Variants in MRPS5 observed in about 807,000 individuals in gnomAD.
MRPS5 encodes the protein mitochondrial ribosomal protein S5, also known as small ribosomal subunit protein uS5m.
In MRPS5, 27 loss-of-function variants were observed where a neutral mutation model predicts 51.9. The ratio of observed to expected loss-of-function variants is 0.52; its 90% CI spans 0.38 to 0.72. MRPS5 has a LOEUF of 0.72. Ranked by LOEUF, MRPS5 falls within the 30% of genes least tolerant of loss-of-function variation. The pLI, the probability that MRPS5 is intolerant of heterozygous loss-of-function variation, is 0.00. For missense variants in MRPS5, 570 were observed against 545.7 expected, an observed-to-expected ratio of 1.04 and a Z score of -0.44; for synonymous variants, 196 against 193.2, an observed-to-expected ratio of 1.01 and a Z score of -0.12.
At chr2:95,087,827 G>T (rs1199025917) in intron 11 of MRPS5, among the ~76,000 whole-genome samples, 3 of 152,140 alleles carry the variant, frequency 2.0e-5, no homozygotes, top group Non-Finnish European at 4.4e-5. Flanking sequence ...CTGGTCTCTT[G>T]CCTTCTAAAC....
chr2:95,094,633 C>T (rs1469949374), intron 10 of MRPS5, among the ~76,000 whole-genome samples: 1 of 152,144 alleles, frequency 6.6e-6, no homozygotes, highest in African/African-American at 2.4e-5. Context: ...CCAAACTAAG[C>T]TTCATAAGTG....
intron 10 of MRPS5, among the ~76,000 whole-genome samples, chr2:95,096,411 C>T (rs552527711): frequency 1.1e-4 from 16 of 152,164 alleles, no homozygotes; most frequent in Non-Finnish European, 2.2e-4. Flanking sequence ...ACCAATATCC[C>T]TGATGAATAT....
At chr2:95,121,874 AG>A, upstream of MRPS5, 1 of 1,417,384 alleles carries the variant, frequency 7.1e-7, no homozygotes, top group Non-Finnish European at 9.3e-7. Flanking sequence ...TCAAACGGCA[AG>A]CCTTGGGCCG....
chr2:95,115,562 C>T (rs562539059), intron 2 of MRPS5, among the ~76,000 whole-genome samples: 96 of 152,304 alleles, frequency 6.3e-4, no homozygotes, highest in Non-Finnish European at 1.2e-3. Context: ...TGTGGAAAGA[C>T]CTGCAACTGG....
intron 3 of MRPS5, among the ~76,000 whole-genome samples, chr2:95,112,198 G>A (rs1342796570): frequency 2.0e-5 from 3 of 151,978 alleles, no homozygotes; most frequent in Non-Finnish European, 2.9e-5. Flanking sequence ...CCGAGTAGCT[G>A]GGATTACAGG....
chr2:95,099,118 C>A (rs1675719904), intron 10 of MRPS5, among the ~76,000 whole-genome samples: 3 of 151,518 alleles, frequency 2.0e-5, no homozygotes, highest in Admixed American at 2.0e-4. Context: ...TGGGGTTTCA[C>A]CATGTCAGCC....
intron 2 of MRPS5, among the ~76,000 whole-genome samples, chr2:95,117,158 AAAAG>A (rs1006069161): frequency 2.0e-5 from 3 of 151,958 alleles, no homozygotes; most frequent in Non-Finnish European, 1.5e-5. Context: ...AAAAAAAAAA[AAAAG>A]AAACACAGTC....
At chr2:95,118,453 C>A (rs1260853362) in intron 1 of MRPS5, among the ~76,000 whole-genome samples, 9 of 152,272 alleles carry the variant, frequency 5.9e-5, no homozygotes, top group Non-Finnish European at 1.3e-4. Context: ...CCTGCTGCCC[C>A]ACCTTTCTCT....
In MRPS5 at chr2:95,115,519, G is replaced by A. The variant is rs118064789; in HGVS notation, c.140-316C>T. 1.2e-3 allele frequency among the ~76,000 whole-genome samples: 178 copies of A among 152,290 alleles called. 2 individuals carry two copies. The East Asian group carries it at 0.027, about 23-fold the overall frequency. ...CAGCAGTCTACTCTGGGCAATTGGC[G>A]CCCTCTGCTGTAAACAGCCAGCAAC... On this transcript the variant is annotated intron_variant, in intron 2 of 11. Transcript: ENST00000272418.
chr2:95,116,408 C>T (rs996022940), intron 2 of MRPS5, among the ~76,000 whole-genome samples: 4 of 152,072 alleles, frequency 2.6e-5, no homozygotes, highest in African/African-American at 9.7e-5. Context: ...GCCTGAAATA[C>T]TTCTCCTATC....
Position 95,086,157 on chromosome 2 carries a change from C to G in MRPS5, c.*1200G>C, listed in dbSNP as rs1219189814. Among the ~76,000 whole-genome samples the G allele has an allele frequency of 6.6e-6, 1 of 152,098 alleles. No individual in the cohort carries two copies. Among genetic ancestry groups the G allele is most frequent in the Non-Finnish European group, 1.5e-5 (1 of 68,016 alleles). On this transcript the variant is annotated 3_prime_UTR_variant, in exon 12 of 12. Coordinates refer to ENST00000272418, the MANE Select transcript of MRPS5 (RefSeq NM_031902.5). Reference sequence around the variant, plus strand: ...CTGATCTCAAACTCCTGGGCTGAAGCAATCCTCCTGCCTCACCTTCACAAA... The same window carrying G: ...CTGATCTCAAACTCCTGGGCTGAAGGAATCCTCCTGCCTCACCTTCACAAA...
chr2:95,115,832 C>G (rs910112354), intron 2 of MRPS5, among the ~76,000 whole-genome samples: 1 of 151,744 alleles, frequency 6.6e-6, no homozygotes, highest in East Asian at 1.9e-4. Context: ...TTTTTAAACT[C>G]AGGACTTCAT....
At chr2:95,095,457 A>C (rs1675597985) in intron 10 of MRPS5, among the ~76,000 whole-genome samples, 1 of 152,240 alleles carries the variant, frequency 6.6e-6, no homozygotes, top group Non-Finnish European at 1.5e-5. Flanking sequence ...AGTTGGAAGT[A>C]AAGCACTCCT....
At chr2:95,104,832 C>A in intron 6 of MRPS5, 102 bp from the exon 7 acceptor site, 1 of 961,802 alleles carries the variant, frequency 1.0e-6, no homozygotes, top group Non-Finnish European at 1.6e-6. Context: ...TGAACAGGCA[C>A]ACACAGAGAA....
intron 1 of MRPS5, among the ~76,000 whole-genome samples, chr2:95,119,929 G>C (rs1025304669): frequency 6.6e-6 from 1 of 152,196 alleles, no homozygotes; most frequent in African/African-American, 2.4e-5. Context: ...CGGGCATGGT[G>C]GCATGCACCT....
chr2:95,108,188 A>G lies in MRPS5; in HGVS notation c.624T>C (p.Pro208=). The G allele has an allele frequency of 6.2e-7, 1 of 1,614,204 alleles. No individual in the cohort carries two copies. The highest frequency in any genetic ancestry group is 8.5e-7 in the Non-Finnish European group (1 of 1,180,012). Residue 208 remains proline, a synonymous_variant, in exon 5 of 12, where the codon CCT becomes CCC. Coordinates refer to ENST00000272418, the MANE Select transcript of MRPS5 (RefSeq NM_031902.5). ...WGGISLGPPD[P]GPCGETYEDF... ...GGAGTTTGCTACCTCCACAGGGACCAGGGTCAGGGGGGCCAAGACTGATGC... is the reference window on the plus strand; with the variant it reads ...GGAGTTTGCTACCTCCACAGGGACCGGGGTCAGGGGGGCCAAGACTGATGC...
chr2:95,121,909 TC>T, upstream of MRPS5: 1 of 1,187,548 alleles, frequency 8.4e-7, no homozygotes, highest in Non-Finnish European at 1.1e-6. Flanking sequence ...GAGGCCCGAG[TC>T]CACGCAGCAG....
intron 7 of MRPS5, chr2:95,103,832 TATA>T (rs763550194): frequency 9.9e-5 from 15 of 152,034 alleles, no homozygotes; most frequent in Admixed American, 3.9e-4. Flanking sequence ...AAATTATGGC[TATA>T]ATGTGATCCC....
intron 11 of MRPS5, among the ~76,000 whole-genome samples, chr2:95,088,002 T>C (rs1352115285): frequency 7.6e-6 from 1 of 132,092 alleles, no homozygotes; most frequent in Non-Finnish European, 1.5e-5. Context: ...ACAAACAACC[T>C]GGTTTCCTCA....
Sources: allele counts gnomAD v4.1 joint callset (sites outside exome capture counted in the v4.1 genomes callset), GRCh38; gene constraint gnomAD v4.1.1; transcripts MANE v1.5; gene names NCBI Gene and HGNC (gene_info 2026-07-23, HGNC 2026-07-21).